NPAS3: variants seen among roughly 807,000 people sequenced by gnomAD.
NPAS3 encodes the protein neuronal PAS domain protein 3.
In NPAS3, 14 loss-of-function variants were observed where a neutral mutation model predicts 73.1. The observed-to-expected ratio is 0.19, with a 90% CI of 0.13 to 0.30. The LOEUF (loss-of-function observed/expected upper bound fraction) is 0.30, where lower values mean the gene tolerates loss of function less well. NPAS3 is among the 10% of genes least tolerant of loss of function. The pLI is 1.00. For missense variants in NPAS3, 1,096 were observed against 1,250.0 expected (o/e 0.88, Z 1.86); for synonymous variants, 620 against 541.5 (o/e 1.14, Z -2.01).
At chr14:33,651,238 C>T (rs1006861224) in intron 5 of NPAS3, among the ~76,000 whole-genome samples, 7 of 152,132 alleles carry the variant, frequency 4.6e-5, no homozygotes, top group African/African-American at 1.2e-4. Context: ...TGCCTTTGTA[C>T]GGGGACGTGC....
chr14:33,264,364 A>G (rs886605230), intron 3 of NPAS3, among the ~76,000 whole-genome samples: 1 of 152,140 alleles, frequency 6.6e-6, no homozygotes, highest in East Asian at 1.9e-4. Flanking sequence ...TAGCACATGT[A>G]TACATATGTA....
At chr14:33,289,753 C>T (rs12878630) in intron 3 of NPAS3, among the ~76,000 whole-genome samples, 34,633 of 150,834 alleles carry the variant, frequency 0.23, 4,175 homozygotes, top group African/African-American at 0.31. Context: ...GCCCAGGAGT[C>T]GGAGGTTACG....
chr14:33,219,809 C>A (rs1481322608), intron 3 of NPAS3, among the ~76,000 whole-genome samples: 1 of 151,946 alleles, frequency 6.6e-6, no homozygotes, highest in Non-Finnish European at 1.5e-5. Context: ...TAATATTGTC[C>A]CCCAAAATTA....
chr14:33,509,095 AG>A, intron 4 of NPAS3, among the ~76,000 whole-genome samples: 1 of 151,934 alleles, frequency 6.6e-6, no homozygotes, highest in African/African-American at 2.4e-5. Context: ...CCTATATGTA[AG>A]TAAGAGGATT....
intron 5 of NPAS3, among the ~76,000 whole-genome samples, chr14:33,589,062 T>C (rs1377977138): frequency 6.6e-6 from 1 of 152,202 alleles, no homozygotes; most frequent in African/African-American, 2.4e-5. Context: ...TGTAAAGAAA[T>C]ATACTCTACG....
chr14:33,241,634 C>T (rs922598757), intron 3 of NPAS3, among the ~76,000 whole-genome samples: 3 of 151,828 alleles, frequency 2.0e-5, no homozygotes, highest in South Asian at 2.1e-4. Context: ...TCCCTCTGTA[C>T]GAGACAAATG....
At chr14:33,485,078 G>A (rs564628509) in intron 4 of NPAS3, among the ~76,000 whole-genome samples, 1 of 152,264 alleles carries the variant, frequency 6.6e-6, no homozygotes, top group Non-Finnish European at 1.5e-5. Context: ...GAGGTAGGTA[G>A]GTATAAACAC....
intron 4 of NPAS3, among the ~76,000 whole-genome samples, chr14:33,394,451 T>C (rs2047137466): frequency 6.6e-6 from 1 of 152,234 alleles, no homozygotes; most frequent in Non-Finnish European, 1.5e-5. Context: ...AAGCTTAACG[T>C]ATCAAATGAG....
At chr14:33,715,617 G>GTA (rs2060936463) in intron 6 of NPAS3, among the ~76,000 whole-genome samples, 1 of 152,184 alleles carries the variant, frequency 6.6e-6, no homozygotes, top group South Asian at 2.1e-4. Flanking sequence ...CAGTCACAGT[G>GTA]TATGCTTAAT....
chr14:33,016,508 A>C lies in NPAS3; in HGVS notation c.51-39397A>C, dbSNP rs530793305. Among the ~76,000 whole-genome samples, 3 of 152,162 alleles carry C rather than the reference A, an allele frequency of 2.0e-5. No individual in the cohort carries two copies. In the South Asian group the frequency reaches 6.2e-4, roughly 32 times the overall value. On this transcript the variant is annotated intron_variant, in intron 1 of 11. Coordinates refer to ENST00000356141, the Ensembl canonical transcript of NPAS3. ...TCTGACAATAACTGATACCCAAAGA[A>C]AAAGAGAGTGGTTGTCTAAGCATCA...
At chr14:33,248,621 G>T (rs1395386446) in intron 3 of NPAS3, among the ~76,000 whole-genome samples, 1 of 152,130 alleles carries the variant, frequency 6.6e-6, no homozygotes, top group Non-Finnish European at 1.5e-5. Flanking sequence ...AAAATCTCTG[G>T]TGTGTAGTGA....
intron 4 of NPAS3, among the ~76,000 whole-genome samples, chr14:33,457,298 G>T (rs1453681518): frequency 6.6e-6 from 1 of 152,198 alleles, no homozygotes; most frequent in East Asian, 1.9e-4. Flanking sequence ...GGGCTTCTGT[G>T]CCATTGGGCA....
chr14:33,596,692 A>C (rs968435875), intron 5 of NPAS3, among the ~76,000 whole-genome samples: 1 of 152,236 alleles, frequency 6.6e-6, no homozygotes, highest in African/African-American at 2.4e-5. Context: ...GCACTTGCTG[A>C]GAAGTGGGAG....
At chr14:33,406,661 A>G (rs1331277837) in intron 4 of NPAS3, among the ~76,000 whole-genome samples, 1 of 152,146 alleles carries the variant, frequency 6.6e-6, no homozygotes, top group Non-Finnish European at 1.5e-5. Flanking sequence ...TGAAAACCAC[A>G]TTTTAAAATA....
At chr14:33,068,370 T>C (rs1245737559) in intron 2 of NPAS3, among the ~76,000 whole-genome samples, 2 of 152,216 alleles carry the variant, frequency 1.3e-5, no homozygotes, top group South Asian at 2.1e-4. Flanking sequence ...ACACATGCAC[T>C]AAGTCCCTGC....
In NPAS3 at chr14:33,204,932, GA is replaced by G. The variant is rs776153350; in HGVS notation, c.141-10241del. 1.5e-4 allele frequency among the ~76,000 whole-genome samples: 23 copies of G among 149,792 alleles called. No homozygotes were observed. In the South Asian group the frequency reaches 1.9e-3, roughly 12 times the overall value. ...GCACTATTTGGTCACTCATTTATTG[GA>G]AAAAAAAATGCCTTTAAGCATCAAG... On this transcript the variant is annotated intron_variant, in intron 2 of 11. Transcript: ENST00000356141.
chr14:33,447,211 G>A (rs747707576), intron 4 of NPAS3, among the ~76,000 whole-genome samples: 4 of 152,184 alleles, frequency 2.6e-5, no homozygotes, highest in African/African-American at 7.2e-5. Flanking sequence ...GCAGAGGATA[G>A]TACTTGTAAG....
At chr14:33,667,149 A>C (rs933498179) in intron 5 of NPAS3, among the ~76,000 whole-genome samples, 1 of 152,206 alleles carries the variant, frequency 6.6e-6, no homozygotes, top group Non-Finnish European at 1.5e-5. Context: ...ATTTTTGTAC[A>C]AAGTATTTAA....
intron 4 of NPAS3, among the ~76,000 whole-genome samples, chr14:33,516,965 C>A (rs537721910): frequency 2.0e-5 from 3 of 152,140 alleles, no homozygotes; most frequent in Admixed American, 2.0e-4. Context: ...TCTTGGTCTC[C>A]CAGCATGGGA....
Sources: allele counts gnomAD v4.1 joint callset (sites outside exome capture counted in the v4.1 genomes callset), GRCh38; gene constraint gnomAD v4.1.1; transcripts MANE v1.5; gene names NCBI Gene and HGNC (gene_info 2026-07-23, HGNC 2026-07-21).